The following TMEM31 variants were observed in gnomAD, a reference collection of about 807,000 sequenced individuals.
TMEM31 encodes transmembrane protein 31, also known as testicular secretory protein Li 58.
TMEM31 carries 1 observed loss-of-function variant against 2.4 expected under a neutral mutation model. That is an observed-to-expected ratio of 0.42 (90% CI 0.15 to 1.97). The LOEUF (loss-of-function observed/expected upper bound fraction) is 1.97. Among genes scored for constraint, TMEM31 ranks in the 30% most tolerant of loss-of-function variants. The probability of loss-of-function intolerance (pLI) is 0.30; values close to 1 mark genes in which losing one functional copy is unlikely to be tolerated. For synonymous variants in TMEM31, 47 were observed against 45.8 expected (o/e 1.03, Z -0.10); for missense variants, 119 against 121.3 (o/e 0.98, Z 0.09).
chrX:103,713,662 T>C lies in TMEM31; in HGVS notation c.171T>C (p.Arg57=). ...CATCCAGATGTCGATTGCCTTCACG[T>C]AGGACACCTACAACATCCAGCGACA... ...TQPSRCRLPS[R]RTPTTSSDRT... The change falls in exon 3 of 3, where the codon CGT becomes CGC. Residue 57 remains arginine (R), a synonymous_variant. Coordinates refer to ENST00000319560, the MANE Select transcript of TMEM31 (RefSeq NM_182541.2). 8.2e-7 allele frequency: 1 copy of C among 1,212,285 alleles called. No individual in the cohort carries two copies. Among genetic ancestry groups the C allele is most frequent in the Non-Finnish European group, 1.1e-6 (1 of 895,635 alleles).
chrX:103,713,679 C>A lies in TMEM31; in HGVS notation c.188C>A (p.Ser63Tyr). 8.2e-7 allele frequency: 1 copy of A among 1,212,181 alleles called. No individual in the cohort carries two copies. Among genetic ancestry groups the A allele is most frequent in the Non-Finnish European group, 1.1e-6 (1 of 895,644 alleles). The change falls in exon 3 of 3, where the codon TCC (serine) becomes TAC (tyrosine). Residue 63 changes from serine to tyrosine, a missense_variant. Physicochemically the swap from Ser to Tyr is moderately radical, Grantham distance 144. Transcript: ENST00000319560. ...CCTTCACGTAGGACACCTACAACAT[C>A]CAGCGACAGAACGATCAACCTTCTT... ...RLPSRRTPTT[S>Y]SDRTINLLEV... is the part of the protein sequence containing the mutation.
At chrX:103,712,166 A>G in intron 1 of TMEM31, 70 bp from the exon 2 acceptor site, 3 of 784,364 alleles carry the variant, frequency 3.8e-6, no homozygotes, top group South Asian at 2.6e-5. Context: ...CCTAGCACCT[A>G]TTGTCTGGGC....
chrX:103,713,902 G>T lies in TMEM31; in HGVS notation c.411G>T (p.Lys137Asn), dbSNP rs1187577664. ...CACTCTCCACCCTCTACTTCTACAAGTTTTTCCTTCCTACAATTCTTTCCC... is the reference window on the plus strand; with the variant it reads ...CACTCTCCACCCTCTACTTCTACAATTTTTTCCTTCCTACAATTCTTTCCC... Reference protein sequence around the residue: ...LFALSTLYFYKFFLPTILSLS... With the variant: ...LFALSTLYFYNFFLPTILSLS... Residue 137 changes from lysine (K) to asparagine (N), a missense_variant, in exon 3 of 3, where the codon AAG (lysine) becomes AAT (asparagine). Coordinates refer to ENST00000319560, the MANE Select transcript of TMEM31 (RefSeq NM_182541.2). The T allele has an allele frequency of 8.3e-7, 1 of 1,210,185 alleles. No individual in the cohort carries two copies. The highest frequency in any genetic ancestry group is 1.1e-6 in the Non-Finnish European group (1 of 895,274).
intron 1 of TMEM31, 52 bp from the exon 2 acceptor site, chrX:103,712,184 G>T: frequency 1.0e-6 from 1 of 978,237 alleles, no homozygotes; most frequent in Non-Finnish European, 1.4e-6. Flanking sequence ...GGCAATTGGG[G>T]GTAAACTGCC....
intron 2 of TMEM31, among the ~76,000 whole-genome samples, chrX:103,712,686 C>A (rs1362513485): frequency 9.0e-6 from 1 of 111,601 alleles, no homozygotes; most frequent in Non-Finnish European, 1.9e-5. Flanking sequence ...TGCCCACCAC[C>A]ACACCGGCTA....
intron 1 of TMEM31, among the ~76,000 whole-genome samples, chrX:103,711,788 G>A (rs2074225022): frequency 8.9e-6 from 1 of 111,995 alleles, no homozygotes; most frequent in Non-Finnish European, 1.9e-5. Flanking sequence ...GAGGTAGTTT[G>A]TGAGATATTT....
At chrX:103,711,286 C>G (rs952123349) in intron 1 of TMEM31, among the ~76,000 whole-genome samples, 2 of 110,282 alleles carry the variant, frequency 1.8e-5, no homozygotes, top group Non-Finnish European at 3.8e-5. Flanking sequence ...ATATCGAGAC[C>G]ATCCTGGCTA....
chrX:103,713,861 A>C lies in TMEM31; in HGVS notation c.370A>C (p.Ile124Leu). ...AQMEKIGLPI[I>L]LHLFALSTLY... ...GATGGAAAAGATCGGACTGCCCATCATACTCCACCTCTTCGCACTCTCCAC... is the reference window on the plus strand; with the variant it reads ...GATGGAAAAGATCGGACTGCCCATCCTACTCCACCTCTTCGCACTCTCCAC... Residue 124 changes from isoleucine (I) to leucine (L), a missense_variant, in exon 3 of 3, where the codon ATA (isoleucine) becomes CTA (leucine). Transcript: ENST00000319560. 8.3e-7 allele frequency: 1 copy of C among 1,211,815 alleles called. No homozygotes were observed. The highest frequency in any genetic ancestry group is 1.8e-5 in the South Asian group (1 of 56,998).
chrX:103,712,162 A>T (rs1423129235), intron 1 of TMEM31, 74 bp from the exon 2 acceptor site: 1 of 736,695 alleles, frequency 1.4e-6, no homozygotes, highest in South Asian at 2.7e-5. Context: ...CTTACCTAGC[A>T]CCTATTGTCT....
chrX:103,713,968 T>C lies in TMEM31; in HGVS notation c.477T>C (p.Phe159=). The C allele has an allele frequency of 1.7e-6, 2 of 1,202,049 alleles. No individual in the cohort carries two copies. Among genetic ancestry groups the C allele is most frequent in the Non-Finnish European group, 2.2e-6 (2 of 890,307 alleles). ...FILLVLLLLL[F]IIVFILIFF is the part of the protein sequence containing the mutation. ...TTCTTGTACTTCTGCTTCTGCTTTTTATTATTGTCTTCATTCTGATCTTCT... is the reference window on the plus strand; with the variant it reads ...TTCTTGTACTTCTGCTTCTGCTTTTCATTATTGTCTTCATTCTGATCTTCT... The change falls in exon 3 of 3, where the codon TTT becomes TTC. Residue 159 remains phenylalanine, a synonymous_variant. Transcript: ENST00000319560.
In TMEM31 at chrX:103,712,315, T is replaced by C; in HGVS notation, c.57T>C (p.Asn19=). Reference sequence around the variant, plus strand: ...AACAACTCAAGCCCAACAACTCTAATGCACCCAATGAAGATCAAGAAGAAG... The same window carrying C: ...AACAACTCAAGCCCAACAACTCTAACGCACCCAATGAAGATCAAGAAGAAG... ...GEQQLKPNNS[N]APNEDQEEEI... is the part of the protein sequence containing the mutation. The change falls in exon 2 of 3, where the codon AAT becomes AAC. Residue 19 remains asparagine (N), a synonymous_variant. Coordinates refer to ENST00000319560, the MANE Select transcript of TMEM31 (RefSeq NM_182541.2). The C allele has an allele frequency of 5.8e-6, 7 of 1,210,284 alleles. No homozygotes were observed. Among genetic ancestry groups the C allele is most frequent in the Non-Finnish European group, 6.7e-6 (6 of 894,906 alleles).
In TMEM31 at chrX:103,711,496, A is replaced by G. The variant is rs901817261; in HGVS notation, c.-24+420A>G. Among the ~76,000 whole-genome samples the G allele has an allele frequency of 3.6e-5, 4 of 110,755 alleles. No homozygotes were observed. In the East Asian group the frequency reaches 8.5e-4, roughly 24 times the overall value. ...GAGACTCCGTCTCAAAAAAAAAAAA[A>G]AAAAGAAAAAAGAAAATGGAGTGTC... On this transcript the variant is annotated intron_variant, in intron 1 of 2. Transcript: ENST00000319560.
chrX:103,711,767 A>G (rs1052175060), intron 1 of TMEM31, among the ~76,000 whole-genome samples: 3 of 111,898 alleles, frequency 2.7e-5, no homozygotes, highest in Non-Finnish European at 5.6e-5. Flanking sequence ...AGCAAGGGAC[A>G]TGAAACCAAG....
chrX:103,713,451 GGGGAGGCGGAGTA>G, intron 2 of TMEM31, 130 bp from the exon 3 acceptor site: 2 of 1,120,983 alleles, frequency 1.8e-6, no homozygotes, highest in South Asian at 4.0e-5. Flanking sequence ...CTTGGTTTGT[GGGGAGGCGGAGTA>G]GGGAGGAAGG....
intron 2 of TMEM31, among the ~76,000 whole-genome samples, chrX:103,712,865 C>T (rs754168430): frequency 4.5e-5 from 5 of 112,216 alleles, no homozygotes; most frequent in Non-Finnish European, 9.4e-5. Flanking sequence ...TAAGGTTCTA[C>T]TACTAGCTAA....
intron 1 of TMEM31, among the ~76,000 whole-genome samples, chrX:103,711,431 C>T (rs186196976): frequency 4.7e-5 from 5 of 106,121 alleles, no homozygotes; most frequent in Non-Finnish European, 7.8e-5. Context: ...TTGCAGTGAG[C>T]CCAGATCACG....
chrX:103,712,127 C>A, intron 1 of TMEM31, 109 bp from the exon 2 acceptor site: 1 of 502,121 alleles, frequency 2.0e-6, no homozygotes, highest in Non-Finnish European at 3.3e-6. Context: ...TGAGGCTGGC[C>A]CAGGCACCTC....
At chrX:103,711,301 G>A (rs2074222071) in intron 1 of TMEM31, among the ~76,000 whole-genome samples, 1 of 109,999 alleles carries the variant, frequency 9.1e-6, no homozygotes, top group Non-Finnish European at 1.9e-5. Flanking sequence ...TGGCTAACAC[G>A]GTGAAACCCT....
chrX:103,711,483 C>CAA (rs55932537), intron 1 of TMEM31, among the ~76,000 whole-genome samples: 53 of 62,690 alleles, frequency 8.5e-4, no homozygotes, highest in African/African-American at 2.5e-3. Context: ...GACTCCGTCT[C>CAA]AAAAAAAAAA....
Sources: gnomAD v4.1 joint callset for allele counts (sites outside exome capture counted in the v4.1 genomes callset) on GRCh38, gnomAD v4.1.1 for gene constraint, MANE v1.5 for transcripts, NCBI Gene and HGNC (gene_info 2026-07-23, HGNC 2026-07-21) for gene names.